The following AGTPBP1 variants were observed in gnomAD, a reference collection of about 807,000 sequenced individuals.
The protein encoded by AGTPBP1 is cytosolic carboxypeptidase 1.
Under a neutral mutation model 143.9 loss-of-function variants are expected in AGTPBP1, and 70 were observed. That is an observed-to-expected ratio of 0.49 (90% CI 0.40 to 0.59). AGTPBP1 has a LOEUF of 0.59. Ranked by LOEUF, AGTPBP1 falls within the 20% of genes least tolerant of loss-of-function variation. The pLI is 0.00. For synonymous variants in AGTPBP1, 463 were observed against 500.2 expected (o/e 0.93, Z 0.99); for missense variants, 1,229 against 1,464.5 (o/e 0.84, Z 2.62).
the AGTPBP1 span, among the ~76,000 whole-genome samples, chr9:85,748,325 A>C: frequency 6.6e-6 from 1 of 152,072 alleles, no homozygotes. Context: ...TGGCTAGCTC[A>C]TCCTACTCCA....
Position 85,546,562 on chromosome 9 carries a change from T to C in AGTPBP1, c.*547A>G, listed in dbSNP as rs1017957826. The C allele has an allele frequency of 6.6e-6, 1 of 152,266 alleles. No homozygotes were observed. Among genetic ancestry groups the C allele is most frequent in the Non-Finnish European group, 1.5e-5 (1 of 68,060 alleles). 9.4% of individuals were successfully genotyped at this position (152,266 alleles called of 1,614,324 possible). ...AATGCAACATTTAATACAGTTTTTATTTGTTTAATTTGGTAAATGTAGAAT... is the reference window on the plus strand; with the variant it reads ...AATGCAACATTTAATACAGTTTTTACTTGTTTAATTTGGTAAATGTAGAAT... On this transcript the variant is annotated 3_prime_UTR_variant, in exon 26 of 26. Transcript: ENST00000357081.
At chr9:85,685,345 AAAT>A (rs1460221453) in intron 3 of AGTPBP1, among the ~76,000 whole-genome samples, 1 of 151,990 alleles carries the variant, frequency 6.6e-6, no homozygotes, top group East Asian at 1.9e-4. Flanking sequence ...AAAAATAAAT[AAAT>A]AAATAAATCC....
intron 25 of AGTPBP1, among the ~76,000 whole-genome samples, chr9:85,569,371 T>C (rs1316622492): frequency 6.6e-6 from 1 of 151,874 alleles, no homozygotes; most frequent in African/African-American, 2.4e-5. Context: ...AGAAAAAGAA[T>C]AGCTGAATGA....
intron 13 of AGTPBP1, among the ~76,000 whole-genome samples, chr9:85,638,809 T>G (rs565279955): frequency 6.6e-6 from 1 of 152,054 alleles, no homozygotes; most frequent in East Asian, 1.9e-4. Flanking sequence ...CTAACAGACC[T>G]GCAAATAGAA....
At chr9:85,779,254 A>G in the AGTPBP1 span, among the ~76,000 whole-genome samples, 21 of 144,228 alleles carry the variant, frequency 1.5e-4, no homozygotes, top group African/African-American at 4.8e-4. Context: ...TATCTATATA[A>G]ATATAAATAT....
chr9:85,556,099 T>C (rs577055341), intron 25 of AGTPBP1, among the ~76,000 whole-genome samples: 2 of 152,100 alleles, frequency 1.3e-5, no homozygotes, highest in African/African-American at 4.8e-5. Flanking sequence ...GGTTTACCTA[T>C]GTAACAAACC....
intron 14 of AGTPBP1, among the ~76,000 whole-genome samples, chr9:85,628,759 G>A (rs2133656971): frequency 6.6e-6 from 1 of 152,248 alleles, no homozygotes; most frequent in South Asian, 2.1e-4. Flanking sequence ...TGTTGCCCAA[G>A]CTGGAGTGCG....
chr9:85,625,701 C>T (rs900526572), intron 14 of AGTPBP1, among the ~76,000 whole-genome samples: 1 of 151,498 alleles, frequency 6.6e-6, no homozygotes, highest in African/African-American at 2.4e-5. Context: ...CTGGCTAACA[C>T]AGTGAAACCC....
At chr9:85,795,518 C>T in the AGTPBP1 span, among the ~76,000 whole-genome samples, 71 of 152,270 alleles carry the variant, frequency 4.7e-4, 1 homozygote, top group African/African-American at 1.3e-3. Context: ...ATTCAACAAC[C>T]ATTTGAATGC....
intron 14 of AGTPBP1, among the ~76,000 whole-genome samples, chr9:85,621,668 G>A (rs1237870611): frequency 6.6e-6 from 1 of 152,128 alleles, no homozygotes; most frequent in Non-Finnish European, 1.5e-5. Flanking sequence ...TGAAAAGCCA[G>A]AGATTATATA....
intron 23 of AGTPBP1, among the ~76,000 whole-genome samples, chr9:85,580,718 T>C (rs568633225): frequency 6.6e-6 from 1 of 152,198 alleles, no homozygotes; most frequent in African/African-American, 2.4e-5. Context: ...TGAAGGACAA[T>C]TTGGCAATAC....
At chr9:85,628,223 G>A (rs1444740208) in intron 14 of AGTPBP1, among the ~76,000 whole-genome samples, 2 of 152,118 alleles carry the variant, frequency 1.3e-5, no homozygotes, top group African/African-American at 4.8e-5. Context: ...ATATTGTTTT[G>A]TTGAAATATG....
chr9:85,669,636 T>G, intron 7 of AGTPBP1, 58 bp from the exon 8 acceptor site: 1 of 1,172,340 alleles, frequency 8.5e-7, no homozygotes, highest in Non-Finnish European at 1.3e-6. Context: ...CAAAAATGTG[T>G]ATACTTAGTG....
chr9:85,691,842 C>G (rs1835898236), intron 3 of AGTPBP1, among the ~76,000 whole-genome samples: 1 of 152,026 alleles, frequency 6.6e-6, no homozygotes, highest in Admixed American at 6.6e-5. Flanking sequence ...CAATTTAGTA[C>G]TATTACCATC....
chr9:85,712,264 C>CAAA (rs10715280), intron 2 of AGTPBP1, among the ~76,000 whole-genome samples: 1 of 146,478 alleles, frequency 6.8e-6, no homozygotes, highest in African/African-American at 2.5e-5. Context: ...AATTCCGTCT[C>CAAA]AAAAAAAAAA....
chr9:85,674,348 T>C lies in AGTPBP1; in HGVS notation c.437-1667A>G, dbSNP rs564729449. Among the ~76,000 whole-genome samples, 143 of 151,898 alleles carry C rather than the reference T, an allele frequency of 9.4e-4. 1 individual carries two copies. The highest frequency in any genetic ancestry group is 2.0e-3 in the Admixed American group (31 of 15,268). ...GAAATAGCCCAAATTTAAAAGAATA[T>C]ATAAGAGAAAATAAATATGACCTAA... On this transcript the variant is annotated intron_variant, in intron 6 of 25. Coordinates refer to ENST00000357081, the MANE Select transcript of AGTPBP1 (RefSeq NM_001330701.2).
At chr9:85,568,520 G>C (rs538439626) in intron 25 of AGTPBP1, among the ~76,000 whole-genome samples, 1 of 152,274 alleles carries the variant, frequency 6.6e-6, no homozygotes, top group Non-Finnish European at 1.5e-5. Context: ...GGACCTCAGA[G>C]ACTCTGATAA....
the AGTPBP1 span, among the ~76,000 whole-genome samples, chr9:85,769,449 G>A: frequency 6.6e-6 from 1 of 151,358 alleles, no homozygotes; most frequent in Non-Finnish European, 1.5e-5. Flanking sequence ...TACTCAGGAG[G>A]GCAAGGTAGG....
intron 1 of AGTPBP1, among the ~76,000 whole-genome samples, chr9:85,713,294 GC>G: frequency 6.6e-6 from 1 of 152,292 alleles, no homozygotes. Flanking sequence ...ACTTTGGGGG[GC>G]CAAGGCAGGT....
Sources: allele counts gnomAD v4.1 joint callset (sites outside exome capture counted in the v4.1 genomes callset), GRCh38; gene constraint gnomAD v4.1.1; transcripts MANE v1.5; gene names NCBI Gene and HGNC (gene_info 2026-07-23, HGNC 2026-07-21).